Variants in ZFHX3 observed in about 807,000 individuals in gnomAD.
ZFHX3 encodes zinc finger homeobox 3.
A neutral mutation model predicts 279.1 loss-of-function variants in ZFHX3; 42 were observed. That is an observed-to-expected ratio of 0.15 (90% confidence interval 0.12 to 0.19). The LOEUF is 0.19. ZFHX3 is among the 10% of genes least tolerant of loss of function. ZFHX3 has a pLI of 1.00. For synonymous variants in ZFHX3, 2,293 were observed against 1,957.8 expected (o/e 1.17, Z -4.52); for missense variants, 4,981 against 4,754.0 (o/e 1.05, Z -1.40).
At chr16:73,545,931 G>A (rs551170035) in intron 2 of ZFHX3, among the ~76,000 whole-genome samples, 25 of 152,232 alleles carry the variant, frequency 1.6e-4, no homozygotes, top group Non-Finnish European at 2.9e-4. Context: ...TCCCAGAATT[G>A]GCACAGCTCA....
intron 3 of ZFHX3, among the ~76,000 whole-genome samples, chr16:73,383,445 A>G (rs2016848597): frequency 6.6e-6 from 1 of 152,170 alleles, no homozygotes; most frequent in African/African-American, 2.4e-5. Context: ...TAAAATAAAA[A>G]ACATCCTGGA....
intron 1 of ZFHX3, among the ~76,000 whole-genome samples, chr16:73,820,693 T>C (rs1264580230): frequency 2.0e-5 from 3 of 152,012 alleles, no homozygotes; most frequent in Admixed American, 6.5e-5. Flanking sequence ...GAGAGATATA[T>C]AATAATAGTT....
At chr16:73,032,082 T>C (rs1470769614) in intron 1 of ZFHX3, among the ~76,000 whole-genome samples, 4 of 152,188 alleles carry the variant, frequency 2.6e-5, no homozygotes, top group African/African-American at 9.7e-5. Flanking sequence ...GGCTCACGCC[T>C]GTAATTGCAG....
intron 3 of ZFHX3, among the ~76,000 whole-genome samples, chr16:73,319,909 A>G (rs2015539136): frequency 6.6e-6 from 1 of 152,198 alleles, no homozygotes. Context: ...TGGCGACGTG[A>G]TGGTTTGTTC....
chr16:73,201,423 G>T (rs558594645), intron 5 of ZFHX3, among the ~76,000 whole-genome samples: 8 of 152,316 alleles, frequency 5.3e-5, no homozygotes, highest in African/African-American at 1.9e-4. Flanking sequence ...TTAAAACACT[G>T]CCATTTTTAC....
At chr16:73,442,018 GTC>G (rs1174987007) in intron 3 of ZFHX3, among the ~76,000 whole-genome samples, 1 of 152,122 alleles carries the variant, frequency 6.6e-6, no homozygotes, top group African/African-American at 2.4e-5. Flanking sequence ...AGGACTCCAG[GTC>G]TCTCCCCTTC....
chr16:73,676,802 A>G (rs1597060739), intron 2 of ZFHX3, among the ~76,000 whole-genome samples: 1 of 151,956 alleles, frequency 6.6e-6, no homozygotes, highest in East Asian at 1.9e-4. Context: ...ACAAATAAAA[A>G]AAAGAGTTTT....
At chr16:73,477,718 A>C (rs1200074929) in intron 2 of ZFHX3, among the ~76,000 whole-genome samples, 1 of 152,040 alleles carries the variant, frequency 6.6e-6, no homozygotes. Flanking sequence ...GGCTGATCTC[A>C]CGTGCTTATA....
intron 1 of ZFHX3, among the ~76,000 whole-genome samples, chr16:73,799,311 G>T (rs902836670): frequency 6.6e-6 from 1 of 152,190 alleles, no homozygotes; most frequent in Non-Finnish European, 1.5e-5. Flanking sequence ...TGCTATATGA[G>T]TGTAAATGAT....
intron 2 of ZFHX3, among the ~76,000 whole-genome samples, chr16:73,568,239 G>A (rs2020477365): frequency 1.3e-5 from 2 of 148,476 alleles, no homozygotes; most frequent in African/African-American, 5.3e-5. Flanking sequence ...AAACACAAGT[G>A]AGAAAACCCA....
intron 1 of ZFHX3, among the ~76,000 whole-genome samples, chr16:73,873,285 T>TGGTGGTGGGTGGTAGTG (rs1189694853): frequency 1.3e-4 from 2 of 15,352 alleles, no homozygotes; most frequent in African/African-American, 5.2e-4. Flanking sequence ...GGGTGGTGGG[T>TGGTGGTGGGTGGTAGTG]GGTGGTGGGT....
At chr16:73,498,549 G>A (rs929635339) in intron 2 of ZFHX3, among the ~76,000 whole-genome samples, 2 of 152,196 alleles carry the variant, frequency 1.3e-5, no homozygotes, top group African/African-American at 2.4e-5. Flanking sequence ...ATGGAAAAGC[G>A]ATAGCAACAG....
chr16:73,866,612 A>C (rs570948051), intron 1 of ZFHX3, among the ~76,000 whole-genome samples: 107 of 152,326 alleles, frequency 7.0e-4, no homozygotes, highest in African/African-American at 2.5e-3. Context: ...GCCCCAAAAA[A>C]AGAAAAGAAG....
At chr16:73,297,417 T>C (rs2014942497) in intron 4 of ZFHX3, among the ~76,000 whole-genome samples, 1 of 152,042 alleles carries the variant, frequency 6.6e-6, no homozygotes, top group African/African-American at 2.4e-5. Context: ...CTGGTAACCC[T>C]GTTATCTTAC....
At chr16:73,047,049 A>G (rs1411923902) in intron 1 of ZFHX3, among the ~76,000 whole-genome samples, 1 of 152,220 alleles carries the variant, frequency 6.6e-6, no homozygotes, top group Non-Finnish European at 1.5e-5. Flanking sequence ...TTTTCCTATC[A>G]TAACACAGGT....
chr16:72,883,006 G>C (rs2038529656), intron 4 of ZFHX3, among the ~76,000 whole-genome samples: 1 of 141,416 alleles, frequency 7.1e-6, no homozygotes, highest in Non-Finnish European at 1.6e-5. Flanking sequence ...GTGTGTGTGT[G>C]TGTGTGTGTG....
chr16:73,204,605 G>A (rs1376809336), intron 5 of ZFHX3, among the ~76,000 whole-genome samples: 1 of 152,192 alleles, frequency 6.6e-6, no homozygotes, highest in Non-Finnish European at 1.5e-5. Context: ...CTCACCTCCT[G>A]CTGTGTGACC....
In ZFHX3 at chr16:73,301,978, C is replaced by A. The variant is rs566650902; in HGVS notation, c.-1194+16262G>T. ...AGAGTCCATGCAAGCCACAAACCCA[C>A]GCAGGTGCGCCCCAACCTGTGCACC... On this transcript the variant is annotated intron_variant, in intron 4 of 17. Coordinates refer to the ZFHX3 transcript ENST00000641206. Among the ~76,000 whole-genome samples the A allele has an allele frequency of 4.6e-5, 7 of 152,206 alleles. No individual in the cohort carries two copies. In the East Asian group the frequency reaches 1.2e-3, roughly 25 times the overall value.
intron 2 of ZFHX3, among the ~76,000 whole-genome samples, chr16:73,574,696 C>G (rs2051781722): frequency 6.6e-6 from 1 of 152,186 alleles, no homozygotes; most frequent in South Asian, 2.1e-4. Context: ...TTCATCACCT[C>G]TGTTTTCTGC....
Sources: allele counts gnomAD v4.1 joint callset (sites outside exome capture counted in the v4.1 genomes callset), GRCh38; gene constraint gnomAD v4.1.1; transcripts MANE v1.5; gene names NCBI Gene and HGNC (gene_info 2026-07-23, HGNC 2026-07-21).